The following KAZN variants were observed in gnomAD, a reference collection of about 807,000 sequenced individuals.
The protein encoded by KAZN is kazrin.
KAZN carries 40 observed loss-of-function variants against 87.4 expected under a neutral mutation model. That is an observed-to-expected ratio of 0.46 (90% CI 0.36 to 0.60). The LOEUF is 0.60. Among genes scored for constraint, KAZN ranks in the 20% least tolerant of loss-of-function variants. The probability of loss-of-function intolerance (pLI) is 0.00; values close to 1 mark genes in which losing one functional copy is unlikely to be tolerated. For synonymous variants in KAZN, 466 were observed against 458.3 expected (o/e 1.02, Z -0.22); for missense variants, 898 against 1,073.9 (o/e 0.84, Z 2.29).
intron 2 of KAZN, among the ~76,000 whole-genome samples, chr1:14,351,429 G>A (rs1011095039): frequency 6.6e-6 from 1 of 152,140 alleles, no homozygotes; most frequent in Non-Finnish European, 1.5e-5. Flanking sequence ...TTAGCTGGGT[G>A]TGGCAGCACA....
intron 2 of KAZN, among the ~76,000 whole-genome samples, chr1:14,288,192 A>G (rs1653404873): frequency 6.6e-6 from 1 of 152,212 alleles, no homozygotes; most frequent in Non-Finnish European, 1.5e-5. Flanking sequence ...TGCTGGCCTC[A>G]TAAAATGAGT....
intron 1 of KAZN, among the ~76,000 whole-genome samples, chr1:14,715,727 T>G (rs1642758611): frequency 6.6e-6 from 1 of 152,210 alleles, no homozygotes; most frequent in African/African-American, 2.4e-5. Context: ...TTTTTCTGAT[T>G]GAACTAAAAG....
intron 1 of KAZN, among the ~76,000 whole-genome samples, chr1:14,921,643 C>T (rs762932568): frequency 3.7e-4 from 57 of 152,336 alleles, no homozygotes; most frequent in Non-Finnish European, 5.7e-4. Flanking sequence ...GATACCAAAT[C>T]CAAGTGACAG....
chr1:14,073,913 C>T (rs1643344570), intron 1 of KAZN, among the ~76,000 whole-genome samples: 1 of 152,010 alleles, frequency 6.6e-6, no homozygotes, highest in South Asian at 2.1e-4. Flanking sequence ...GGGTATATAT[C>T]CAGTAATGGG....
chr1:14,442,474 T>C (rs994212276), intron 2 of KAZN, among the ~76,000 whole-genome samples: 1 of 152,192 alleles, frequency 6.6e-6, no homozygotes, highest in Admixed American at 6.5e-5. Flanking sequence ...GAGGACCTGC[T>C]GAAACCCCTA....
intron 2 of KAZN, among the ~76,000 whole-genome samples, chr1:14,401,212 G>A (rs1557692541): frequency 2.0e-5 from 3 of 152,126 alleles, no homozygotes; most frequent in Admixed American, 1.3e-4. Context: ...GAAATGGAGA[G>A]AATATTCCAA....
rs1054457970 is a variant in KAZN, at chr1:14,856,742, C to T, written c.227-103942C>T. Among the ~76,000 whole-genome samples, 10 of 152,140 alleles carry T rather than the reference C, an allele frequency of 6.6e-5. No homozygotes were observed. Among genetic ancestry groups the T allele is most frequent in the African/African-American group, 2.4e-4 (10 of 41,422 alleles). On this transcript the variant is annotated intron_variant, in intron 1 of 14. Transcript: ENST00000376030. The surrounding 1 kb of genome is among the most constrained non-coding windows in gnomAD (Gnocchi z 5.2). ...CTTGGATTATTCTCAAGGACAATGG[C>T]CATTATGTCCATTCTTCCAGGATAA...
In KAZN at chr1:14,453,197, C is replaced by T. The variant is rs181403441; in HGVS notation, c.250-145786C>T. Among the ~76,000 whole-genome samples, 257 of 152,078 alleles carry T rather than the reference C, an allele frequency of 1.7e-3. 3 individuals are homozygous for T. Among genetic ancestry groups the T allele is most frequent in the African/African-American group, 5.3e-3 (222 of 41,510 alleles). On this transcript the variant is annotated intron_variant, in intron 2 of 16. Coordinates refer to the KAZN transcript ENST00000636203. ...GTCTCGATCTCCTGACCTCGTGATC[C>T]GCCCGCCTCGGCCTCCCAAAGTGCT...
At chr1:14,366,620 C>T (rs575881246) in intron 2 of KAZN, among the ~76,000 whole-genome samples, 2 of 152,280 alleles carry the variant, frequency 1.3e-5, no homozygotes, top group South Asian at 2.1e-4. Flanking sequence ...GAGCCGTGGG[C>T]GAGCACTTTT....
chr1:14,832,320 A>G (rs1327231308), intron 1 of KAZN, among the ~76,000 whole-genome samples: 5 of 152,090 alleles, frequency 3.3e-5, no homozygotes, highest in Non-Finnish European at 7.4e-5. Context: ...GCTGTGGTGG[A>G]GGGGACTTCA....
chr1:15,000,569 G>T (rs1668363884), intron 2 of KAZN, among the ~76,000 whole-genome samples: 1 of 151,726 alleles, frequency 6.6e-6, no homozygotes, highest in Non-Finnish European at 1.5e-5. Context: ...ATGCTGCCCG[G>T]CCACTGTACC....
intron 2 of KAZN, among the ~76,000 whole-genome samples, chr1:15,026,577 TTCTCG>T (rs1336608553): frequency 6.6e-6 from 1 of 152,062 alleles, no homozygotes; most frequent in Non-Finnish European, 1.5e-5. Context: ...CTTTCTGAGG[TTCTCG>T]TCTCCCAAAA....
chr1:14,947,038 G>A (rs914890089), intron 1 of KAZN, among the ~76,000 whole-genome samples: 6 of 152,186 alleles, frequency 3.9e-5, no homozygotes, highest in Non-Finnish European at 8.8e-5. Flanking sequence ...TTCTGGGAAT[G>A]GGTGGAGAAG....
At chr1:14,658,731 G>C (rs1572155771) in intron 1 of KAZN, among the ~76,000 whole-genome samples, 1 of 152,106 alleles carries the variant, frequency 6.6e-6, no homozygotes, top group East Asian at 1.9e-4. Flanking sequence ...GTGTCCACTG[G>C]TGAGTTCTCT....
chr1:14,853,509 A>G (rs1649710087), intron 1 of KAZN, among the ~76,000 whole-genome samples: 1 of 152,184 alleles, frequency 6.6e-6, no homozygotes, highest in Non-Finnish European at 1.5e-5. Context: ...CCAAAGCTGC[A>G]GAGTGGATGC....
rs552594972 is a variant in KAZN, at chr1:13,978,922, G to A, written c.91+85166G>A. On this transcript the variant is annotated intron_variant, in intron 1 of 16. Transcript: ENST00000636203. ...TCAAGACCAGCCTGGGCAACACAGG[G>A]AGACCCTGTATCTACAAAAACAAAA... 5.9e-5 allele frequency among the ~76,000 whole-genome samples: 9 copies of A among 151,712 alleles called. No homozygotes were observed. In the East Asian group the frequency reaches 1.8e-3, roughly 30 times the overall value.
chr1:13,983,052 A>G (rs1638817812), intron 1 of KAZN, among the ~76,000 whole-genome samples: 2 of 152,244 alleles, frequency 1.3e-5, no homozygotes, highest in African/African-American at 4.8e-5. Context: ...TGAGCTAGAC[A>G]TAAAGGTTCT....
At chr1:14,306,570 C>T (rs868128792) in intron 2 of KAZN, among the ~76,000 whole-genome samples, 2 of 152,198 alleles carry the variant, frequency 1.3e-5, no homozygotes, top group Non-Finnish European at 2.9e-5. Context: ...ACTACCCAGT[C>T]CTTGCTGTGA....
chr1:14,512,617 A>C (rs981684206), intron 2 of KAZN, among the ~76,000 whole-genome samples: 1 of 152,156 alleles, frequency 6.6e-6, no homozygotes, highest in Non-Finnish European at 1.5e-5. Context: ...AGGAAAATAA[A>C]GCCCCAGAAA....
Sources: allele counts gnomAD v4.1 joint callset (sites outside exome capture counted in the v4.1 genomes callset), GRCh38; gene constraint gnomAD v4.1.1; non-coding constraint Gnocchi (gnomAD v3.1); transcripts MANE v1.5; gene names NCBI Gene and HGNC (gene_info 2026-07-23, HGNC 2026-07-21).